CTSE: variants seen among roughly 807,000 people sequenced by gnomAD.
CTSE encodes cathepsin E, also known as erythrocyte membrane aspartic proteinase.
In CTSE, 43 loss-of-function variants were observed where a neutral mutation model predicts 42.8. The observed-to-expected ratio is 1.01, with a 90% CI of 0.79 to 1.30. The LOEUF is 1.30. Among genes scored for constraint, CTSE ranks in the 50% most tolerant of loss-of-function variants. The probability of loss-of-function intolerance (pLI) is 0.00; values close to 1 mark genes in which losing one functional copy is unlikely to be tolerated. For missense variants in CTSE, 532 were observed against 493.5 expected (o/e 1.08, Z -0.74); for synonymous variants, 205 against 191.5 (o/e 1.07, Z -0.58).
intron 5 of CTSE, 148 bp downstream of exon 5, chr1:206,015,783 C>T (rs1435827954): frequency 3.0e-6 from 2 of 676,702 alleles, no homozygotes; most frequent in Non-Finnish European, 5.0e-6. Context: ...CCTCAATATT[C>T]AGAGAGGTTA....
chr1:206,019,311 G>A (rs1391102087), intron 4 of CTSE, among the ~76,000 whole-genome samples: 1 of 152,030 alleles, frequency 6.6e-6, no homozygotes, highest in Non-Finnish European at 1.5e-5. Flanking sequence ...GATGTCAAGT[G>A]GGAGAAAAAG....
At position 206,013,647 on chromosome 1, in the gene CTSE, T is replaced by G; in HGVS notation, c.785+125A>C. The G allele has an allele frequency of 3.1e-6, 4 of 1,275,698 alleles. No homozygotes were observed. In the East Asian group the frequency reaches 7.0e-5, roughly 22 times the overall value. The allele number at this position is 1,275,698 out of a possible 1,614,324, so 79.0% of individuals were successfully genotyped here. A position where few individuals can be genotyped will look rare whatever the true frequency, so the allele number is the denominator to read the frequency against. On this transcript the variant is annotated intron_variant, in intron 6 of 8. Transcript: ENST00000358184. ...CACACTTGCTCAGCACCTCCATACC[T>G]CCAACCACAGTAAGCTTCTGGCATC...
rs1040051043 is a variant in CTSE at position 206,011,116 on chromosome 1, G to A, written c.1027-769C>T. ...TGCTGGTGGGAAAGAACCACTCACT[G>A]TACTGCGAAAGAACCAGCACAAGAC... On this transcript the variant is annotated intron_variant, in intron 8 of 8. Transcript: ENST00000358184. Among the ~76,000 whole-genome samples the A allele has an allele frequency of 3.9e-5, 6 of 151,928 alleles. No individual in the cohort carries two copies. The South Asian group carries it at 8.3e-4, about 21-fold the overall frequency.
intron 6 of CTSE, 130 bp downstream of exon 6, chr1:206,013,642 A>G (rs1411983873): frequency 8.3e-6 from 10 of 1,207,064 alleles, no homozygotes; most frequent in Admixed American, 2.1e-5. Context: ...CAGCACCTCC[A>G]TACCTCCAAC....
chr1:206,015,585 C>T (rs1661238688), intron 5 of CTSE, among the ~76,000 whole-genome samples: 1 of 152,054 alleles, frequency 6.6e-6, no homozygotes, highest in African/African-American at 2.4e-5. Flanking sequence ...GCCTCCTCCT[C>T]CTGCAGGTAC....
rs782470260 is a variant in CTSE at position 206,023,052 on chromosome 1, G to A, written c.74C>T (p.Pro25Leu). Reference sequence around the variant, plus strand: ...CTTGAGGGACGGATGCCTCCTGAGGGGCACCCTGGAGACAAACCCCCATGT... The same window carrying A: ...CTTGAGGGACGGATGCCTCCTGAGGAGCACCCTGGAGACAAACCCCCATGT... ...GEAQGSLHRV[P>L]LRRHPSLKKK... Residue 25 changes from proline to leucine, a missense_variant, in exon 2 of 9, where the codon CCC becomes CTC. By Grantham distance (98) the Pro-to-Leu change is moderately conservative (BLOSUM62 -3). Transcript: ENST00000358184. 4 of 1,612,536 alleles carry A rather than the reference G, an allele frequency of 2.5e-6. No individual in the cohort carries two copies. The highest frequency in any genetic ancestry group is 2.5e-6 in the Non-Finnish European group (3 of 1,179,166).
At chr1:206,018,089 G>C (rs1661311732) in intron 4 of CTSE, among the ~76,000 whole-genome samples, 1 of 151,938 alleles carries the variant, frequency 6.6e-6, no homozygotes, top group Non-Finnish European at 1.5e-5. Context: ...TTTGCTGTGG[G>C]CTTCTTTTAG....
In CTSE at chr1:206,012,599, A is replaced by G. The variant is rs1438421556; in HGVS notation, c.836T>C (p.Ile279Thr). 1 of 1,613,966 alleles carries G rather than the reference A, an allele frequency of 6.2e-7. No individual in the cohort carries two copies. The highest frequency in any genetic ancestry group is 8.5e-7 in the Non-Finnish European group (1 of 1,179,908). Residue 279 changes from isoleucine to threonine, a missense_variant, in exon 7 of 9, where the codon ATT becomes ACT. Ile to Thr is a moderately conservative substitution (Grantham distance 89). Coordinates refer to ENST00000358184, the MANE Select transcript of CTSE (RefSeq NM_001910.4). ...GATGAGGGAAGTCCCTGTGTCCACA[A>G]TGGCCTGGCAGCCCTCGGAGCAGAA... ...VMFCSEGCQA[I>T]VDTGTSLITG...
intron 4 of CTSE, among the ~76,000 whole-genome samples, chr1:206,019,844 G>T (rs1243894552): frequency 3.2e-4 from 32 of 101,444 alleles, no homozygotes; most frequent in East Asian, 9.1e-4. Flanking sequence ...TTATATAATA[G>T]GTTAATCTAT....
intron 4 of CTSE, among the ~76,000 whole-genome samples, chr1:206,019,564 T>C (rs1553278090): frequency 6.6e-6 from 1 of 151,890 alleles, no homozygotes; most frequent in East Asian, 1.9e-4. Flanking sequence ...CGTGACAAGC[T>C]ATAGGCTTGA....
chr1:206,022,285 A>G lies in CTSE; in HGVS notation c.226-18T>C. 2 of 1,571,118 alleles carry G rather than the reference A, an allele frequency of 1.3e-6. No individual in the cohort carries two copies. The highest frequency in any genetic ancestry group is 8.7e-7 in the Non-Finnish European group (1 of 1,145,684). On this transcript the variant is annotated intron_variant, in intron 2 of 8. Coordinates refer to ENST00000358184, the MANE Select transcript of CTSE (RefSeq NM_001910.4). ...TATTCCATCTGCAAGGAAGAGTGAGAAGGAAAGAGGGTGTGGGTGGTGGGG... is the reference window on the plus strand; with the variant it reads ...TATTCCATCTGCAAGGAAGAGTGAGGAGGAAAGAGGGTGTGGGTGGTGGGG...
At chr1:206,019,531 C>A (rs1389411371) in intron 4 of CTSE, among the ~76,000 whole-genome samples, 2 of 151,912 alleles carry the variant, frequency 1.3e-5, no homozygotes, top group South Asian at 2.1e-4. Flanking sequence ...CTGCCCTACA[C>A]CAGCCAGGTG....
At chr1:206,011,498 C>T (rs1553276927) in intron 8 of CTSE, among the ~76,000 whole-genome samples, 2 of 152,012 alleles carry the variant, frequency 1.3e-5, no homozygotes, top group Non-Finnish European at 2.9e-5. Flanking sequence ...TCCATAATCC[C>T]TATGTGGCAG....
chr1:206,018,177 G>A (rs1021685710), intron 4 of CTSE, among the ~76,000 whole-genome samples: 1 of 151,962 alleles, frequency 6.6e-6, no homozygotes, highest in Non-Finnish European at 1.5e-5. Flanking sequence ...TTGAAGTCAT[G>A]AATAGATATT....
chr1:206,020,472 T>A (rs1431953243), intron 4 of CTSE, among the ~76,000 whole-genome samples: 1 of 152,046 alleles, frequency 6.6e-6, no homozygotes, highest in African/African-American at 2.4e-5. Flanking sequence ...CCTGAAAAAG[T>A]ACCTGGCTCT....
chr1:206,019,047 G>A (rs1553278013), intron 4 of CTSE, among the ~76,000 whole-genome samples: 1 of 152,014 alleles, frequency 6.6e-6, no homozygotes, highest in Non-Finnish European at 1.5e-5. Context: ...AGGCTAAATG[G>A]TCCCTTTAAG....
chr1:206,012,757 C>G, intron 6 of CTSE, 108 bp from the exon 7 acceptor site: 2 of 1,253,190 alleles, frequency 1.6e-6, no homozygotes, highest in Non-Finnish European at 2.3e-6. Context: ...TGATTTCCAC[C>G]CACCATATGA....
At position 206,010,164 on chromosome 1, in the gene CTSE, A is replaced by G. The variant is rs1661045955; in HGVS notation, c.*19T>C. 3 of 1,613,538 alleles carry G rather than the reference A, an allele frequency of 1.9e-6. No homozygotes were observed. Among genetic ancestry groups the G allele is most frequent in the Non-Finnish European group, 2.5e-6 (3 of 1,179,650 alleles). On this transcript the variant is annotated 3_prime_UTR_variant, in exon 9 of 9. Coordinates refer to ENST00000358184, the MANE Select transcript of CTSE (RefSeq NM_001910.4). ...TTCAAGGTCTGTCAGACAGGCAGGC[A>G]CAGACACAAGGCCCCTCCTTAGGGG...
intron 5 of CTSE, among the ~76,000 whole-genome samples, chr1:206,015,455 T>C (rs1375328664): frequency 6.6e-6 from 1 of 152,158 alleles, no homozygotes; most frequent in African/African-American, 2.4e-5. Context: ...TGTTGTAGCA[T>C]GTCTCAGAAT....
Sources: allele counts gnomAD v4.1 joint callset (sites outside exome capture counted in the v4.1 genomes callset), GRCh38; gene constraint gnomAD v4.1.1; transcripts MANE v1.5; gene names NCBI Gene and HGNC (gene_info 2026-07-23, HGNC 2026-07-21).